Variants in HMCES observed in about 807,000 individuals in gnomAD.
The protein encoded by HMCES is abasic site processing protein HMCES.
A neutral mutation model predicts 35.1 loss-of-function variants in HMCES; 27 were observed. The observed-to-expected ratio is 0.77, with a 90% CI of 0.57 to 1.06. HMCES has a LOEUF of 1.06. Ranked by LOEUF, HMCES falls within the 50% of genes least tolerant of loss-of-function variation. The pLI is 0.00. For synonymous variants in HMCES, 130 were observed against 154.7 expected (o/e 0.84, Z 1.18); for missense variants, 391 against 430.4 (o/e 0.91, Z 0.81).
Position 129,279,395 on chromosome 3 carries a change from C to T in HMCES, c.-23-315C>T, listed in dbSNP as rs1940395278. On this transcript the variant is annotated intron_variant, in intron 1 of 6. Coordinates refer to ENST00000383463, the MANE Select transcript of HMCES (RefSeq NM_020187.3). The surrounding 1 kb of genome is among the most constrained non-coding windows in gnomAD (Gnocchi z 4.2). ...ACCAAGTCACCCGGAGGAGGCGACC[C>T]CAGCTAGCTGCGCTTGCCCTGCTTC... 6.6e-6 allele frequency among the ~76,000 whole-genome samples: 1 copy of T among 152,180 alleles called. No individual in the cohort carries two copies. The highest frequency in any genetic ancestry group is 6.5e-5 in the Admixed American group (1 of 15,284).
At position 129,279,835 on chromosome 3, in the gene HMCES, C is replaced by G; in HGVS notation, c.103C>G (p.Pro35Ala). The G allele has an allele frequency of 2.5e-6, 4 of 1,613,608 alleles. No individual in the cohort carries two copies. The highest frequency in any genetic ancestry group is 1.3e-5 in the African/African-American group (1 of 74,968). The change falls in exon 2 of 7, where the codon CCT becomes GCT. Residue 35 changes from proline (P) to alanine (A), a missense_variant. Physicochemically the swap from Pro to Ala is conservative, Grantham distance 27. Coordinates refer to ENST00000383463, the MANE Select transcript of HMCES (RefSeq NM_020187.3). This position sits in a 1 kb window ranked among gnomAD's most constrained non-coding sequence, Gnocchi z 4.2. ...GQQRLPEWRD[P>A]DKYCPSYNKS... ...GCAGCGGCTCCCGGAGTGGAGGGAC[C>G]CTGATAAGTACTGCCCCTCTTACAA...
chr3:129,284,896 A>G (rs1027341208), intron 2 of HMCES, among the ~76,000 whole-genome samples: 1 of 152,238 alleles, frequency 6.6e-6, no homozygotes, highest in Non-Finnish European at 1.5e-5. Context: ...TGGGCAACAG[A>G]GCGAGACTCC....
intron 2 of HMCES, among the ~76,000 whole-genome samples, chr3:129,284,006 T>C (rs1354105712): frequency 6.6e-6 from 1 of 152,244 alleles, no homozygotes; most frequent in Non-Finnish European, 1.5e-5. Context: ...CAGTCCTCAT[T>C]ATTCTTAGAT....
intron 5 of HMCES, among the ~76,000 whole-genome samples, chr3:129,301,155 G>A (rs62266907): frequency 0.12 from 16,445 of 135,830 alleles, 1,031 homozygotes; most frequent in Middle Eastern, 0.29. Context: ...TCACGCCACT[G>A]CACTCCAGCC....
At chr3:129,291,696 G>A (rs1317022119) in intron 4 of HMCES, among the ~76,000 whole-genome samples, 1 of 152,146 alleles carries the variant, frequency 6.6e-6, no homozygotes, top group Non-Finnish European at 1.5e-5. Flanking sequence ...GCATGGATTT[G>A]TTTTCATCTC....
chr3:129,281,811 C>T (rs1247644278), intron 2 of HMCES, among the ~76,000 whole-genome samples: 1 of 149,694 alleles, frequency 6.7e-6, no homozygotes, highest in Admixed American at 6.7e-5. Context: ...TGAGATCAGT[C>T]TGGCCAACAT....
At chr3:129,291,609 GTTGA>G (rs1335318674) in intron 4 of HMCES, among the ~76,000 whole-genome samples, 63 of 152,200 alleles carry the variant, frequency 4.1e-4, no homozygotes, top group Non-Finnish European at 9.1e-4. Flanking sequence ...TCATTCATCA[GTTGA>G]TAGACACTTG....
intron 6 of HMCES, among the ~76,000 whole-genome samples, chr3:129,302,359 GCTAGACC>G (rs1386107401): frequency 1.3e-5 from 2 of 152,178 alleles, no homozygotes; most frequent in Admixed American, 1.3e-4. Flanking sequence ...AAATGTAAAT[GCTAGACC>G]CTATCTAGAC....
At position 129,290,698 on chromosome 3, in the gene HMCES, G is replaced by A; in HGVS notation, c.347G>A (p.Arg116Lys). 1 of 1,613,518 alleles carries A rather than the reference G, an allele frequency of 6.2e-7. No individual in the cohort carries two copies. Among genetic ancestry groups the A allele is most frequent in the African/African-American group, 1.3e-5 (1 of 75,008 alleles). Residue 116 changes from arginine (R) to lysine (K), a missense_variant, in exon 4 of 7, where the codon AGA becomes AAA. Physicochemically the swap from Arg to Lys is conservative, Grantham distance 26. Transcript: ENST00000383463. ...RSFKVPLGKGRRCVVLADGFY... is the reference protein window; with the variant it reads ...RSFKVPLGKGKRCVVLADGFY... ...CCTCAGGTGCCTCTGGGAAAGGGAAGACGCTGTGTCGTTTTAGCAGATGGA... is the reference window on the plus strand; with the variant it reads ...CCTCAGGTGCCTCTGGGAAAGGGAAAACGCTGTGTCGTTTTAGCAGATGGA...
At chr3:129,296,540 G>T (rs1383924810) in intron 4 of HMCES, among the ~76,000 whole-genome samples, 2 of 151,636 alleles carry the variant, frequency 1.3e-5, no homozygotes, top group Non-Finnish European at 2.9e-5. Context: ...CTTGAATCTG[G>T]TTCTGTTAAT....
Position 129,305,052 on chromosome 3 carries a change from TA to T in HMCES, c.*228del. The stretch of plus-strand genomic sequence containing the variant: ...GCTGTTACCAGCCATGTGGGCCCCA[TA>T]GGGGCACTGCGCCTGCTGCCCTTTC... On this transcript the variant is annotated 3_prime_UTR_variant, in exon 7 of 7. Coordinates refer to ENST00000383463, the MANE Select transcript of HMCES (RefSeq NM_020187.3). 1.8e-6 allele frequency: 1 copy of T among 567,512 alleles called. No homozygotes were observed. The highest frequency in any genetic ancestry group is 3.1e-6 in the Non-Finnish European group (1 of 319,306). The allele number at this position is 567,512 out of a possible 1,614,324, so 35.2% of individuals were successfully genotyped here.
At chr3:129,281,926 C>CAAAAAAAAA (rs553350109) in intron 2 of HMCES, among the ~76,000 whole-genome samples, 2 of 71,598 alleles carry the variant, frequency 2.8e-5, no homozygotes, top group Non-Finnish European at 3.1e-5. Context: ...GACTCAGTCT[C>CAAAAAAAAA]AAAAAAAAAA....
intron 4 of HMCES, among the ~76,000 whole-genome samples, chr3:129,292,493 T>A (rs1481262755): frequency 6.1e-5 from 9 of 147,294 alleles, no homozygotes; most frequent in African/African-American, 1.8e-4. Flanking sequence ...TTTTTTTTTT[T>A]CTTCTTTTTT....
At chr3:129,282,283 C>A (rs1397323236) in intron 2 of HMCES, among the ~76,000 whole-genome samples, 1 of 132,466 alleles carries the variant, frequency 7.5e-6, no homozygotes, top group Admixed American at 7.1e-5. Flanking sequence ...GCAAATGAGA[C>A]CCTGTTTTTA....
intron 3 of HMCES, 117 bp from the exon 4 acceptor site, chr3:129,290,562 C>A: frequency 9.4e-7 from 1 of 1,064,366 alleles, no homozygotes; most frequent in Non-Finnish European, 1.4e-6. Context: ...GGGATTACAG[C>A]CGTGAGCCAC....
chr3:129,282,728 T>C (rs1940531812), intron 2 of HMCES, among the ~76,000 whole-genome samples: 1 of 152,226 alleles, frequency 6.6e-6, no homozygotes, highest in South Asian at 2.1e-4. Context: ...AGCCTGCATA[T>C]GTATATAGAT....
At chr3:129,284,276 G>A (rs932906293) in intron 2 of HMCES, among the ~76,000 whole-genome samples, 2 of 152,214 alleles carry the variant, frequency 1.3e-5, no homozygotes, top group African/African-American at 4.8e-5. Flanking sequence ...TAGCACTAAA[G>A]TGCTGGCTGG....
intron 2 of HMCES, among the ~76,000 whole-genome samples, chr3:129,284,373 C>T (rs1248712905): frequency 6.6e-6 from 1 of 152,176 alleles, no homozygotes; most frequent in African/African-American, 2.4e-5. Context: ...AGTTATAGTG[C>T]TCTTGGTCTT....
intron 5 of HMCES, 149 bp from the exon 6 acceptor site, chr3:129,301,801 A>T: frequency 1.5e-6 from 1 of 674,862 alleles, no homozygotes; most frequent in Non-Finnish European, 2.6e-6. Flanking sequence ...GTGCTCAGGG[A>T]ACACATGGCA....
Sources: gnomAD v4.1 joint callset for allele counts (sites outside exome capture counted in the v4.1 genomes callset) on GRCh38, gnomAD v4.1.1 for gene constraint, Gnocchi (gnomAD v3.1) non-coding constraint, MANE v1.5 for transcripts, NCBI Gene and HGNC (gene_info 2026-07-23, HGNC 2026-07-21) for gene names.